Variants in AGBL1 observed in about 807,000 individuals in gnomAD.
AGBL1 encodes the protein cytosolic carboxypeptidase 4.
In AGBL1, 130 loss-of-function variants were observed where a neutral mutation model predicts 118.9. That is an observed-to-expected ratio of 1.09 (90% CI 0.95 to 1.26). The LOEUF (loss-of-function observed/expected upper bound fraction) is 1.26. AGBL1 is among the 50% of genes most tolerant of loss of function. AGBL1 has a pLI of 0.00. For synonymous variants in AGBL1, 555 were observed against 478.9 expected, an observed-to-expected ratio of 1.16 and a Z score of -2.08; for missense variants, 1,584 against 1,298.1, an observed-to-expected ratio of 1.22 and a Z score of -3.38.
chr15:86,602,060 CT>C (rs1402903795), intron 21 of AGBL1, among the ~76,000 whole-genome samples: 1 of 152,038 alleles, frequency 6.6e-6, no homozygotes, highest in African/African-American at 2.4e-5. Context: ...TTTCCCTTCT[CT>C]TTCTTTCTTT....
At chr15:86,656,392 G>C (rs956366659) in intron 21 of AGBL1, among the ~76,000 whole-genome samples, 10 of 152,090 alleles carry the variant, frequency 6.6e-5, no homozygotes, top group African/African-American at 2.2e-4. Context: ...GGGGCTTTAG[G>C]GGGGTTGCCT....
chr15:86,660,563 AT>A lies in AGBL1; in HGVS notation c.2995-13700del, dbSNP rs570116024. On this transcript the variant is annotated intron_variant, in intron 21 of 22. Coordinates refer to ENST00000614907, the MANE Select transcript of AGBL1 (RefSeq NM_001386094.1). ...ATTACTAATCCAATATAGTCAACAC[AT>A]TTTTTTTTTACTGATTTTTTAAGTT... Among the ~76,000 whole-genome samples the A allele has an allele frequency of 6.2e-3, 929 of 148,936 alleles. 6 individuals are homozygous for A. The highest frequency in any genetic ancestry group is 0.016 in the African/African-American group (665 of 40,746).
intron 21 of AGBL1, among the ~76,000 whole-genome samples, chr15:86,612,531 T>TA (rs1431524350): frequency 6.6e-6 from 1 of 152,048 alleles, no homozygotes. Context: ...ACAGAGATCT[T>TA]AAGACTGACA....
intron 24 of AGBL1, among the ~76,000 whole-genome samples, chr15:87,023,155 A>G (rs952474054): frequency 6.6e-6 from 1 of 152,202 alleles, no homozygotes; most frequent in East Asian, 1.9e-4. Context: ...AAGGTAAATT[A>G]CCTAAATGTT....
At chr15:86,277,147 ATTT>A (rs60962004) in intron 15 of AGBL1, among the ~76,000 whole-genome samples, 1 of 143,314 alleles carries the variant, frequency 7.0e-6, no homozygotes. Context: ...TTATAATAAG[ATTT>A]TTTTTTTTTT....
At chr15:86,745,095 A>G (rs1567152466) in intron 22 of AGBL1, among the ~76,000 whole-genome samples, 1 of 152,106 alleles carries the variant, frequency 6.6e-6, no homozygotes, top group Non-Finnish European at 1.5e-5. Context: ...CATTTCTTAT[A>G]TATGTAGCAC....
chr15:86,100,248 T>G (rs1896632382), intron 1 of AGBL1, among the ~76,000 whole-genome samples: 1 of 152,206 alleles, frequency 6.6e-6, no homozygotes, highest in South Asian at 2.1e-4. Context: ...AGCATTTTAT[T>G]TTTGTGTCTC....
chr15:86,523,617 T>A (rs1259290347), intron 19 of AGBL1, among the ~76,000 whole-genome samples: 1 of 152,288 alleles, frequency 6.6e-6, no homozygotes, highest in East Asian at 1.9e-4. Context: ...TTTTCTGGTA[T>A]CTCAGTTATT....
Position 86,433,608 on chromosome 15 carries a change from G to A in AGBL1, c.2555+36062G>A, listed in dbSNP as rs992569256. ...TCAGGGTCTCTACTTTTAAAGCCCA[G>A]TAGGGATGTTCCCATGAGAACTCTG... is the stretch of plus-strand genomic sequence containing the variant. On this transcript the variant is annotated intron_variant, in intron 18 of 22. Transcript: ENST00000614907. Among the ~76,000 whole-genome samples, 8 of 152,256 alleles carry A rather than the reference G, an allele frequency of 5.3e-5. No individual in the cohort carries two copies. The East Asian group carries it at 9.7e-4, about 18-fold the overall frequency.
At chr15:86,537,602 C>G (rs1278619389) in intron 19 of AGBL1, among the ~76,000 whole-genome samples, 3 of 152,200 alleles carry the variant, frequency 2.0e-5, no homozygotes, top group Non-Finnish European at 4.4e-5. Flanking sequence ...CACTCACTTT[C>G]AAATACGCGA....
intron 13 of AGBL1, among the ~76,000 whole-genome samples, chr15:86,268,178 T>C (rs2079102883): frequency 6.6e-6 from 1 of 152,184 alleles, no homozygotes; most frequent in African/African-American, 2.4e-5. Context: ...TGATGATTCA[T>C]TTTTGAAGTT....
chr15:86,866,666 C>T (rs1173345510), intron 22 of AGBL1, among the ~76,000 whole-genome samples: 1 of 152,112 alleles, frequency 6.6e-6, no homozygotes, highest in Non-Finnish European at 1.5e-5. Flanking sequence ...CCAGCCTGGC[C>T]AACATGGTAA....
intron 22 of AGBL1, among the ~76,000 whole-genome samples, chr15:86,847,278 CTTG>C (rs2079333524): frequency 6.6e-6 from 1 of 152,292 alleles, no homozygotes; most frequent in East Asian, 1.9e-4. Flanking sequence ...CTAATCACTG[CTTG>C]TTCTTTCACT....
At chr15:86,262,030 A>G (rs1230245033) in intron 9 of AGBL1, among the ~76,000 whole-genome samples, 1 of 143,848 alleles carries the variant, frequency 7.0e-6, no homozygotes, top group Non-Finnish European at 1.5e-5. Context: ...AGCAAATTGA[A>G]GCTTTTCCTT....
In AGBL1 at chr15:86,468,452, C is replaced by A. The variant is rs983809345; in HGVS notation, c.2556-54358C>A. ...TGGAATCTGCATTCTGGGCACTTGG[C>A]TCCCTCATTTTGATTCAGGCTAATT... On this transcript the variant is annotated intron_variant, in intron 18 of 22. Coordinates refer to ENST00000614907, the MANE Select transcript of AGBL1 (RefSeq NM_001386094.1). Among the ~76,000 whole-genome samples, 4 of 152,158 alleles carry A rather than the reference C, an allele frequency of 2.6e-5. No homozygotes were observed. In the East Asian group the frequency reaches 7.7e-4, roughly 29 times the overall value.
At chr15:86,858,069 A>G (rs2079508146) in intron 22 of AGBL1, among the ~76,000 whole-genome samples, 1 of 152,152 alleles carries the variant, frequency 6.6e-6, no homozygotes, top group Admixed American at 6.5e-5. Flanking sequence ...CACTACACAC[A>G]GGCTAAGCTC....
intron 21 of AGBL1, among the ~76,000 whole-genome samples, chr15:86,571,325 C>T (rs2084003413): frequency 6.6e-6 from 1 of 152,142 alleles, no homozygotes; most frequent in African/African-American, 2.4e-5. Context: ...CACCATTCAG[C>T]AGGTCCCGAG....
intron 21 of AGBL1, among the ~76,000 whole-genome samples, chr15:86,590,554 T>A (rs1467534114): frequency 2.6e-5 from 4 of 152,224 alleles, no homozygotes; most frequent in African/African-American, 9.6e-5. Flanking sequence ...ACCCGGTCTC[T>A]GGTATGTCTT....
At chr15:86,185,090 G>C (rs2077610251) in intron 5 of AGBL1, among the ~76,000 whole-genome samples, 1 of 152,162 alleles carries the variant, frequency 6.6e-6, no homozygotes, top group Non-Finnish European at 1.5e-5. Flanking sequence ...CAAAAAGTGG[G>C]CGAAGGATAT....
Sources: allele counts gnomAD v4.1 joint callset (sites outside exome capture counted in the v4.1 genomes callset), GRCh38; gene constraint gnomAD v4.1.1; transcripts MANE v1.5; gene names NCBI Gene and HGNC (gene_info 2026-07-23, HGNC 2026-07-21).